PCDH15: variants seen among roughly 807,000 people sequenced by gnomAD.
PCDH15 encodes the protein protocadherin related 15.
In PCDH15, 129 loss-of-function variants were observed where a neutral mutation model predicts 178.5. The observed-to-expected ratio is 0.72, with a 90% CI of 0.63 to 0.84. The LOEUF (loss-of-function observed/expected upper bound fraction) is 0.84, where lower values mean the gene tolerates loss of function less well. Among genes scored for constraint, PCDH15 ranks in the 40% least tolerant of loss-of-function variants. PCDH15 has a pLI of 0.00. For missense variants in PCDH15, 2,230 were observed against 2,099.9 expected, an observed-to-expected ratio of 1.06 and a Z score of -1.21; for synonymous variants, 800 against 732.0, an observed-to-expected ratio of 1.09 and a Z score of -1.50.
rs61854143 is a variant in PCDH15 at position 54,796,278 on chromosome 10, C to G, written c.-29+4647G>C. ...TCTATCTATCTATCTATCTATGTAT[C>G]TATGTATCTATCTATCTATCTATCT... On this transcript the variant is annotated intron_variant, in intron 1 of 37. Coordinates refer to ENST00000644397, the MANE Select transcript of PCDH15 (RefSeq NM_001384140.1). Among the ~76,000 whole-genome samples the G allele has an allele frequency of 3.2e-3, 358 of 111,878 alleles. 1 individual carries two copies. Among genetic ancestry groups the G allele is most frequent in the South Asian group, 7.1e-3 (24 of 3,404 alleles). 73.4% of individuals were successfully genotyped at this position (111,878 alleles called of 152,430 possible).
chr10:54,794,647 T>C (rs1377721016), intron 1 of PCDH15, among the ~76,000 whole-genome samples: 1 of 151,818 alleles, frequency 6.6e-6, no homozygotes, highest in Admixed American at 6.6e-5. Flanking sequence ...GTAAAATTAA[T>C]CAGAGGGGCA....
intron 2 of PCDH15, among the ~76,000 whole-genome samples, chr10:54,552,669 T>G (rs1780425723): frequency 6.6e-6 from 1 of 152,140 alleles, no homozygotes; most frequent in South Asian, 2.1e-4. Flanking sequence ...ATAATGCAGT[T>G]GTGAAACATA....
intron 18 of PCDH15, among the ~76,000 whole-genome samples, chr10:54,027,254 A>G (rs1415534978): frequency 6.7e-6 from 1 of 149,144 alleles, no homozygotes; most frequent in African/African-American, 2.5e-5. Flanking sequence ...GACCTCTTCA[A>G]GGAGAACTAC....
At chr10:53,934,117 G>T (rs2085342216) in intron 25 of PCDH15, among the ~76,000 whole-genome samples, 1 of 152,076 alleles carries the variant, frequency 6.6e-6, no homozygotes, top group African/African-American at 2.4e-5. Flanking sequence ...TTACAGTAAT[G>T]TGCTCTAATA....
chr10:54,099,003 A>G (rs977022412), intron 15 of PCDH15, among the ~76,000 whole-genome samples: 1 of 152,214 alleles, frequency 6.6e-6, no homozygotes, highest in African/African-American at 2.4e-5. Flanking sequence ...TTAAACTCTT[A>G]GAATTTAGTT....
chr10:54,469,286 C>G (rs918427429), intron 3 of PCDH15, among the ~76,000 whole-genome samples: 6 of 151,908 alleles, frequency 3.9e-5, no homozygotes, highest in African/African-American at 1.5e-4. Flanking sequence ...TGATTGAGAC[C>G]AGATTTTACT....
At chr10:54,900,505 T>C (rs964062188) in intron 2 of PCDH15, among the ~76,000 whole-genome samples, 5 of 152,190 alleles carry the variant, frequency 3.3e-5, no homozygotes, top group African/African-American at 1.2e-4. Context: ...GTTAAACTTG[T>C]TTGCATTTCA....
intron 3 of PCDH15, among the ~76,000 whole-genome samples, chr10:54,828,108 A>G (rs1184047858): frequency 6.6e-6 from 1 of 151,986 alleles, no homozygotes; most frequent in African/African-American, 2.4e-5. Flanking sequence ...CCTTGAATTA[A>G]TTATCAACTA....
intron 3 of PCDH15, among the ~76,000 whole-genome samples, chr10:54,885,576 C>T (rs987056360): frequency 2.3e-4 from 35 of 151,832 alleles, no homozygotes; most frequent in Admixed American, 1.6e-3. Context: ...TACTTCATAG[C>T]GGTATAGAAC....
intron 2 of PCDH15, among the ~76,000 whole-genome samples, chr10:55,483,815 C>CAA (rs71014494): frequency 9.0e-5 from 10 of 111,222 alleles, no homozygotes; most frequent in African/African-American, 1.6e-4. Context: ...GACTCCATCT[C>CAA]AAAAAAAAAA....
intron 3 of PCDH15, among the ~76,000 whole-genome samples, chr10:54,891,477 T>C (rs1337689926): frequency 6.6e-6 from 1 of 152,068 alleles, no homozygotes; most frequent in Non-Finnish European, 1.5e-5. Context: ...AAAAGTGTGG[T>C]CTCTTCTTCT....
At chr10:55,025,858 A>G (rs1840463806) in intron 2 of PCDH15, among the ~76,000 whole-genome samples, 1 of 152,024 alleles carries the variant, frequency 6.6e-6, no homozygotes, top group African/African-American at 2.4e-5. Context: ...CGATTGAGGT[A>G]CAGATCAAGT....
At chr10:54,031,737 A>C (rs1246851780) in intron 18 of PCDH15, among the ~76,000 whole-genome samples, 1 of 152,072 alleles carries the variant, frequency 6.6e-6, no homozygotes, top group Non-Finnish European at 1.5e-5. Flanking sequence ...TTACATATTC[A>C]GTTCTCATGT....
chr10:53,812,830 T>A (rs1002907727), intron 35 of PCDH15, among the ~76,000 whole-genome samples: 1 of 152,174 alleles, frequency 6.6e-6, no homozygotes, highest in Admixed American at 6.5e-5. Flanking sequence ...GATTGGTACA[T>A]ATTTCTATCA....
intron 21 of PCDH15, among the ~76,000 whole-genome samples, chr10:53,972,465 G>A (rs1175243650): frequency 6.6e-6 from 1 of 152,140 alleles, no homozygotes. Flanking sequence ...AAGAGCTTCT[G>A]CACAGCAAAA....
At chr10:54,829,002 A>G (rs1953179303) in intron 3 of PCDH15, among the ~76,000 whole-genome samples, 1 of 152,008 alleles carries the variant, frequency 6.6e-6, no homozygotes, top group African/African-American at 2.4e-5. Flanking sequence ...AGAACATAGC[A>G]TATTAAAAAA....
At chr10:55,027,994 C>T (rs949872987) in intron 2 of PCDH15, among the ~76,000 whole-genome samples, 1 of 151,694 alleles carries the variant, frequency 6.6e-6, no homozygotes, top group African/African-American at 2.4e-5. Context: ...CATGCAACCA[C>T]AAAAAACTCA....
intron 37 of PCDH15, chr10:53,808,006 T>A (rs2075719695): frequency 6.6e-6 from 1 of 152,138 alleles, no homozygotes; most frequent in Admixed American, 6.6e-5. Flanking sequence ...CAGAACTATA[T>A]TTCAAAATTA....
chr10:54,456,126 T>C (rs1484086321), intron 3 of PCDH15, among the ~76,000 whole-genome samples: 2 of 151,922 alleles, frequency 1.3e-5, no homozygotes, highest in East Asian at 1.9e-4. Flanking sequence ...CACAGCACTG[T>C]CTAGTGGAAT....
Sources: gnomAD v4.1 joint callset for allele counts (sites outside exome capture counted in the v4.1 genomes callset) on GRCh38, gnomAD v4.1.1 for gene constraint, MANE v1.5 for transcripts, NCBI Gene and HGNC (gene_info 2026-07-23, HGNC 2026-07-21) for gene names.